The following ATXN7L1 variants were observed in gnomAD, a reference collection of about 807,000 sequenced individuals.
The protein encoded by ATXN7L1 is ataxin-7-like protein 1.
Under a neutral mutation model 70.8 loss-of-function variants are expected in ATXN7L1, and 15 were observed. That is an observed-to-expected ratio of 0.21 (90% CI 0.14 to 0.33). The LOEUF is 0.33. Ranked by LOEUF, ATXN7L1 falls within the 10% of genes least tolerant of loss-of-function variation. ATXN7L1 has a pLI of 1.00. For missense variants in ATXN7L1, 975 were observed against 1,097.1 expected, an observed-to-expected ratio of 0.89 and a Z score of 1.57; for synonymous variants, 440 against 445.1, an observed-to-expected ratio of 0.99 and a Z score of 0.14.
At chr7:105,705,305 T>C (rs1314834707) in intron 3 of ATXN7L1, among the ~76,000 whole-genome samples, 2 of 151,842 alleles carry the variant, frequency 1.3e-5, no homozygotes, top group African/African-American at 4.9e-5. Flanking sequence ...GGACTACAGG[T>C]GTGAGCCACC....
At chr7:105,847,556 G>A (rs986330865) in intron 2 of ATXN7L1, among the ~76,000 whole-genome samples, 10 of 152,168 alleles carry the variant, frequency 6.6e-5, no homozygotes, top group African/African-American at 2.4e-4. Context: ...ATGGTGCTAA[G>A]GAAGACCTAA....
At chr7:105,727,765 TATATATATATATACACACACATACACAC>T (rs1796042662) in intron 3 of ATXN7L1, among the ~76,000 whole-genome samples, 2 of 92,656 alleles carry the variant, frequency 2.2e-5, no homozygotes, top group Admixed American at 1.3e-4. Context: ...TATATATATA[TATATATATATATACACACACATACACAC>T]ATATATATAT....
At chr7:105,655,953 C>T (rs1050813797) in intron 4 of ATXN7L1, among the ~76,000 whole-genome samples, 2 of 152,242 alleles carry the variant, frequency 1.3e-5, no homozygotes, top group African/African-American at 2.4e-5. Context: ...CCTGGAGCAG[C>T]GGGCTCATCT....
chr7:105,738,765 A>G (rs557359722), intron 3 of ATXN7L1, among the ~76,000 whole-genome samples: 1 of 152,262 alleles, frequency 6.6e-6, no homozygotes, highest in African/African-American at 2.4e-5. Context: ...TTCTTACTAC[A>G]CCTACCAGAC....
At chr7:105,644,517 A>T (rs1798708868) in intron 4 of ATXN7L1, among the ~76,000 whole-genome samples, 1 of 152,184 alleles carries the variant, frequency 6.6e-6, no homozygotes, top group Admixed American at 6.5e-5. Flanking sequence ...GCCACTGCCA[A>T]TTCCGTCCCT....
rs769330690 is a variant in ATXN7L1, at chr7:105,614,360, G to C, written c.1974C>G (p.Ser658=). The C allele has an allele frequency of 6.5e-7, 1 of 1,541,242 alleles. No homozygotes were observed. Among genetic ancestry groups the C allele is most frequent in the Non-Finnish European group, 8.8e-7 (1 of 1,139,258 alleles). Residue 658 remains serine, a synonymous_variant, in exon 10 of 12, where the codon TCC becomes TCG. Transcript: ENST00000419735. The surrounding 1 kb of genome is among the most constrained non-coding windows in gnomAD (Gnocchi z 4.3). ...AGAGGGATGTCTGCAAGGAAGAGGAGGAGGAGGAGGAGGAGGAGGAAGTCG... is the reference window on the plus strand; with the variant it reads ...AGAGGGATGTCTGCAAGGAAGAGGACGAGGAGGAGGAGGAGGAGGAAGTCG... ...QSSTSSSSSS[S]SSSLQTSLSS... is the part of the protein sequence containing the mutation.
chr7:105,638,801 C>T (rs1797739215), intron 6 of ATXN7L1, among the ~76,000 whole-genome samples, 192 bp from the exon 7 acceptor site: 1 of 152,136 alleles, frequency 6.6e-6, no homozygotes, highest in Non-Finnish European at 1.5e-5. Flanking sequence ...GCCCTACACT[C>T]CTGGTGTTAA....
At chr7:105,657,665 C>A (rs1800874924) in intron 4 of ATXN7L1, among the ~76,000 whole-genome samples, 1 of 140,410 alleles carries the variant, frequency 7.1e-6, no homozygotes, top group African/African-American at 2.7e-5. Context: ...CCACTGTACT[C>A]CAGCCGCAGC....
chr7:105,609,912 C>T (rs959861842), intron 11 of ATXN7L1, among the ~76,000 whole-genome samples: 1 of 152,126 alleles, frequency 6.6e-6, no homozygotes, highest in Non-Finnish European at 1.5e-5. Context: ...GCTGGGACTA[C>T]AGGAACGCAC....
In ATXN7L1 at chr7:105,794,659, G is replaced by T. The variant is rs143232114; in HGVS notation, c.251-5951C>A. 8.2e-4 allele frequency among the ~76,000 whole-genome samples: 125 copies of T among 152,278 alleles called. 1 individual carries two copies. In the East Asian group the frequency reaches 0.021, roughly 25 times the overall value. On this transcript the variant is annotated intron_variant, in intron 2 of 11. Transcript: ENST00000419735. ...AATCATTATATTAATTTAAAATTATGGTTACCGCATCAATTATTGACCTAA... is the reference window on the plus strand; with the variant it reads ...AATCATTATATTAATTTAAAATTATTGTTACCGCATCAATTATTGACCTAA...
At chr7:105,733,479 G>T (rs1796802006) in intron 3 of ATXN7L1, among the ~76,000 whole-genome samples, 1 of 120,250 alleles carries the variant, frequency 8.3e-6, no homozygotes, top group African/African-American at 3.6e-5. Flanking sequence ...ACCTCCAGGA[G>T]GTCCATCCAT....
intron 3 of ATXN7L1, among the ~76,000 whole-genome samples, chr7:105,668,322 C>T (rs1802970832): frequency 6.6e-6 from 1 of 152,194 alleles, no homozygotes; most frequent in Admixed American, 6.5e-5. Context: ...CAACCTCTGC[C>T]TTCCAGGTTC....
At chr7:105,834,082 G>C (rs1812023951) in intron 2 of ATXN7L1, among the ~76,000 whole-genome samples, 1 of 152,106 alleles carries the variant, frequency 6.6e-6, no homozygotes, top group South Asian at 2.1e-4. Context: ...TCACTCTATT[G>C]CCCAGGCTGG....
At chr7:105,650,871 G>A (rs749965539) in intron 4 of ATXN7L1, among the ~76,000 whole-genome samples, 6 of 152,230 alleles carry the variant, frequency 3.9e-5, no homozygotes, top group African/African-American at 7.2e-5. Context: ...GGGAGAACAA[G>A]TATGACTGAA....
Position 105,614,745 on chromosome 7 carries a change from G to C in ATXN7L1, c.1589C>G (p.Ser530Cys). 1 of 1,551,790 alleles carries C rather than the reference G, an allele frequency of 6.4e-7. No individual in the cohort carries two copies. Among genetic ancestry groups the C allele is most frequent in the South Asian group, 1.2e-5 (1 of 84,066 alleles). ...AAHITTPVPASVLQPFSNPSA... is the reference protein window; with the variant it reads ...AAHITTPVPACVLQPFSNPSA... ...GGGGTTGCTGAAAGGCTGCAAAACG[G>C]ATGCTGGAACGGGGGTGGTGATGTG... Residue 530 changes from serine (S) to cysteine (C), a missense_variant, in exon 10 of 12, where the codon TCC becomes TGC. Coordinates refer to ENST00000419735, the MANE Select transcript of ATXN7L1 (RefSeq NM_020725.2). This position sits in a 1 kb window ranked among gnomAD's most constrained non-coding sequence, Gnocchi z 4.3.
At chr7:105,866,867 CAG>C (rs992399889) in intron 2 of ATXN7L1, among the ~76,000 whole-genome samples, 6 of 152,222 alleles carry the variant, frequency 3.9e-5, no homozygotes, top group Non-Finnish European at 7.3e-5. Context: ...TGGGCCACCT[CAG>C]TGTGTGGGGT....
At chr7:105,854,376 C>G (rs1375638720) in intron 2 of ATXN7L1, among the ~76,000 whole-genome samples, 1 of 150,868 alleles carries the variant, frequency 6.6e-6, no homozygotes, top group African/African-American at 2.4e-5. Flanking sequence ...GTTCTGGAGG[C>G]TGCTGAGCGT....
intron 3 of ATXN7L1, among the ~76,000 whole-genome samples, chr7:105,670,902 C>G (rs889575372): frequency 6.6e-6 from 1 of 151,824 alleles, no homozygotes; most frequent in Admixed American, 6.6e-5. Flanking sequence ...GTCAGGAGAT[C>G]GAGACCATCC....
At chr7:105,822,266 G>A (rs183410474) in intron 2 of ATXN7L1, among the ~76,000 whole-genome samples, 1 of 152,278 alleles carries the variant, frequency 6.6e-6, no homozygotes, top group East Asian at 1.9e-4. Context: ...GCAAGACCCT[G>A]TCTCCAAAAA....
Sources: gnomAD v4.1 joint callset for allele counts (sites outside exome capture counted in the v4.1 genomes callset) on GRCh38, gnomAD v4.1.1 for gene constraint, Gnocchi (gnomAD v3.1) non-coding constraint, MANE v1.5 for transcripts, NCBI Gene and HGNC (gene_info 2026-07-23, HGNC 2026-07-21) for gene names.